The following SORCS2 variants were observed in gnomAD, a reference collection of about 807,000 sequenced individuals.
SORCS2 encodes VPS10 domain-containing receptor SorCS2.
In SORCS2, 100 loss-of-function variants were observed where a neutral mutation model predicts 141.6. The observed-to-expected ratio is 0.71, with a 90% CI of 0.60 to 0.83. The LOEUF is 0.83. SORCS2 is among the 40% of genes least tolerant of loss of function. SORCS2 has a pLI of 0.00. For missense variants in SORCS2, 1,646 were observed against 1,560.2 expected, an observed-to-expected ratio of 1.05 and a Z score of -0.93; for synonymous variants, 789 against 676.9, an observed-to-expected ratio of 1.17 and a Z score of -2.57.
chr4:7,418,639 G>A (rs7656518), intron 2 of SORCS2, among the ~76,000 whole-genome samples: 143,246 of 151,528 alleles, frequency 0.95, 67,743 homozygotes, highest in Non-Finnish European at 0.96. Context: ...TGCCCTCTGC[G>A]GGATGAACAT....
intron 1 of SORCS2, among the ~76,000 whole-genome samples, chr4:7,347,503 T>G (rs1266128915): frequency 6.6e-6 from 1 of 152,166 alleles, no homozygotes; most frequent in Non-Finnish European, 1.5e-5. Flanking sequence ...CTCCCATAGC[T>G]CCTTGCAGAC....
At chr4:7,555,869 G>A (rs1482239911) in intron 3 of SORCS2, among the ~76,000 whole-genome samples, 1 of 152,186 alleles carries the variant, frequency 6.6e-6, no homozygotes, top group Non-Finnish European at 1.5e-5. Flanking sequence ...ACAGCAGGTG[G>A]CAGAGGCAGA....
intron 1 of SORCS2, among the ~76,000 whole-genome samples, chr4:7,330,359 G>A (rs1719575784): frequency 2.6e-5 from 4 of 152,194 alleles, no homozygotes; most frequent in African/African-American, 9.6e-5. Context: ...ATCACAAAGA[G>A]CTTCTCGGCA....
chr4:7,256,550 G>A (rs1057432333), intron 1 of SORCS2, among the ~76,000 whole-genome samples: 10 of 151,776 alleles, frequency 6.6e-5, no homozygotes, highest in Non-Finnish European at 1.5e-4. Context: ...ACCCACAAAT[G>A]CAAAGGCCCT....
intron 2 of SORCS2, among the ~76,000 whole-genome samples, chr4:7,509,358 T>C (rs1732470519): frequency 6.6e-6 from 1 of 151,988 alleles, no homozygotes; most frequent in Non-Finnish European, 1.5e-5. Context: ...TGCTGGAGCC[T>C]CCCATTGTGG....
At chr4:7,258,561 G>C (rs1714079514) in intron 1 of SORCS2, among the ~76,000 whole-genome samples, 1 of 152,200 alleles carries the variant, frequency 6.6e-6, no homozygotes, top group South Asian at 2.1e-4. Context: ...GGGCATTTGG[G>C]CTGGTTCCAA....
intron 1 of SORCS2, among the ~76,000 whole-genome samples, chr4:7,382,211 C>G (rs2109071891): frequency 6.6e-6 from 1 of 152,152 alleles, no homozygotes; most frequent in East Asian, 1.9e-4. Flanking sequence ...GAGCGGGGAG[C>G]AATGGGGGTC....
At chr4:7,260,254 G>C (rs1004805117) in intron 1 of SORCS2, among the ~76,000 whole-genome samples, 1 of 152,246 alleles carries the variant, frequency 6.6e-6, no homozygotes, top group African/African-American at 2.4e-5. Context: ...TGCCCCCTGA[G>C]GGGCTGGATT....
intron 20 of SORCS2, 151 bp from the exon 21 acceptor site, chr4:7,726,629 G>T (rs1273323586): frequency 3.2e-6 from 3 of 946,748 alleles, no homozygotes; most frequent in East Asian, 5.4e-5. Flanking sequence ...CTCCCTGGGT[G>T]CTGCCACCAC....
chr4:7,685,688 A>ATATATATATAT (rs1553904098), intron 10 of SORCS2, among the ~76,000 whole-genome samples: 9 of 149,604 alleles, frequency 6.0e-5, no homozygotes, highest in African/African-American at 2.0e-4. Context: ...AAAATAAATA[A>ATATATATATAT]ATATATATAT....
intron 3 of SORCS2, among the ~76,000 whole-genome samples, chr4:7,540,403 C>T (rs1394567910): frequency 6.6e-6 from 1 of 152,114 alleles, no homozygotes; most frequent in East Asian, 1.9e-4. Context: ...CCCTGTGAGT[C>T]ATGTACTATG....
chr4:7,278,284 C>T (rs1196489413), intron 1 of SORCS2, among the ~76,000 whole-genome samples: 7 of 152,214 alleles, frequency 4.6e-5, no homozygotes, highest in African/African-American at 7.2e-5. Flanking sequence ...GGAGTCTAAG[C>T]GCATTGCCAG....
chr4:7,740,455 C>T lies in SORCS2; in HGVS notation c.*191C>T, dbSNP rs1312173598. On this transcript the variant is annotated 3_prime_UTR_variant, in exon 27 of 27. Coordinates refer to ENST00000507866, the MANE Select transcript of SORCS2 (RefSeq NM_020777.3). ...GCCCACGGGGGGCCCACGGGACCCC[C>T]CGGGACTCCCCGGACATGGCCCTGC... 1.7e-6 allele frequency: 1 copy of T among 593,760 alleles called. No individual in the cohort carries two copies. Among genetic ancestry groups the T allele is most frequent in the Non-Finnish European group, 3.0e-6 (1 of 332,288 alleles). 36.8% of individuals were successfully genotyped at this position (593,760 alleles called of 1,614,324 possible).
At chr4:7,525,666 CACCT>C (rs1733622910) in intron 2 of SORCS2, among the ~76,000 whole-genome samples, 1 of 152,216 alleles carries the variant, frequency 6.6e-6, no homozygotes, top group South Asian at 2.1e-4. Flanking sequence ...CCTCCTCAGT[CACCT>C]GTCCCCAACT....
chr4:7,669,972 T>G (rs61235713), intron 8 of SORCS2, among the ~76,000 whole-genome samples: 11,150 of 152,326 alleles, frequency 0.073, 938 homozygotes, highest in African/African-American at 0.21. Context: ...ATTTGGGTTG[T>G]TTCCATTTTT....
chr4:7,664,227 T>C lies in SORCS2; in HGVS notation c.953-126T>C. On this transcript the variant is annotated intron_variant, in intron 6 of 26. Coordinates refer to ENST00000507866, the MANE Select transcript of SORCS2 (RefSeq NM_020777.3). This position sits in a 1 kb window ranked among gnomAD's most constrained non-coding sequence, Gnocchi z 4.7. ...CCGCAGGTGTCATCACGGTGGCCTT[T>C]AGAATTCAAGCCCATGAAGCCACAC... The C allele has an allele frequency of 1.4e-6, 1 of 715,606 alleles. No individual in the cohort carries two copies. Among genetic ancestry groups the C allele is most frequent in the Non-Finnish European group, 2.3e-6 (1 of 437,864 alleles). 44.3% of individuals were successfully genotyped at this position (715,606 alleles called of 1,614,324 possible).
chr4:7,462,507 T>G (rs1223858876), intron 2 of SORCS2, among the ~76,000 whole-genome samples: 1 of 152,050 alleles, frequency 6.6e-6, no homozygotes, highest in Non-Finnish European at 1.5e-5. Context: ...GTGCCCTCAG[T>G]GTACTCCAGA....
At chr4:7,212,686 G>A (rs1728124055) in intron 1 of SORCS2, among the ~76,000 whole-genome samples, 1 of 152,254 alleles carries the variant, frequency 6.6e-6, no homozygotes. Context: ...GCCTACTTGG[G>A]TCACATGCCC....
intron 1 of SORCS2, among the ~76,000 whole-genome samples, chr4:7,326,101 G>A (rs1335934219): frequency 6.6e-6 from 1 of 152,164 alleles, no homozygotes; most frequent in Non-Finnish European, 1.5e-5. Context: ...CAGAGGCTCA[G>A]AGGCAGGTGG....
Sources: allele counts gnomAD v4.1 joint callset (sites outside exome capture counted in the v4.1 genomes callset), GRCh38; gene constraint gnomAD v4.1.1; non-coding constraint Gnocchi (gnomAD v3.1); transcripts MANE v1.5; gene names NCBI Gene and HGNC (gene_info 2026-07-23, HGNC 2026-07-21).